VTA1: variants seen among roughly 807,000 people sequenced by gnomAD.
The protein encoded by VTA1 is vacuolar protein sorting-associated protein VTA1 homolog.
A neutral mutation model predicts 36.9 loss-of-function variants in VTA1; 24 were observed. The observed-to-expected ratio is 0.65, with a 90% CI of 0.47 to 0.91. VTA1 has a LOEUF of 0.91. VTA1 is among the 40% of genes least tolerant of loss of function. VTA1 has a pLI of 0.00. For synonymous variants in VTA1, 142 were observed against 130.2 expected (o/e 1.09, Z -0.62); for missense variants, 393 against 377.2 (o/e 1.04, Z -0.35).
intron 4 of VTA1, among the ~76,000 whole-genome samples, chr6:142,174,428 GT>G (rs55744405): frequency 0.4 from 60,241 of 151,978 alleles, 13,615 homozygotes; most frequent in Middle Eastern, 0.54. Context: ...CCCAATGCCT[GT>G]ACCACCATTC....
chr6:142,217,346 AT>A (rs1395395110), intron 7 of VTA1, among the ~76,000 whole-genome samples: 8 of 152,266 alleles, frequency 5.3e-5, no homozygotes, highest in African/African-American at 1.7e-4. Context: ...GCTTTTTCAT[AT>A]TCATGCAGTG....
At chr6:142,165,091 C>T (rs2114640364) in intron 1 of VTA1, among the ~76,000 whole-genome samples, 1 of 152,254 alleles carries the variant, frequency 6.6e-6, no homozygotes, top group East Asian at 1.9e-4. Flanking sequence ...TGATAGCTAT[C>T]CTTAATTCAT....
At chr6:142,173,692 T>A (rs1775067701) in intron 4 of VTA1, among the ~76,000 whole-genome samples, 1 of 152,246 alleles carries the variant, frequency 6.6e-6, no homozygotes, top group Non-Finnish European at 1.5e-5. Context: ...TTCTCTTCAC[T>A]TAAGGAATAT....
Position 142,203,991 on chromosome 6 carries a change from C to G in VTA1, c.704C>G (p.Ala235Gly). The G allele has an allele frequency of 1.2e-6, 2 of 1,613,106 alleles. No individual in the cohort carries two copies. Among genetic ancestry groups the G allele is most frequent in the Non-Finnish European group, 1.7e-6 (2 of 1,179,390 alleles). ...TTGCTTTTCTGATTTGCAGGTGTAG[C>G]AAGTAATACTATCCAACCTACTCCA... ...PAEVPHSTGV[A>G]SNTIQPTPQT... Residue 235 changes from alanine (A) to glycine (G), a missense_variant, in exon 7 of 8, where the codon GCA becomes GGA. Coordinates refer to ENST00000367630, the MANE Select transcript of VTA1 (RefSeq NM_016485.5).
At chr6:142,177,329 C>G (rs1045039688) in intron 4 of VTA1, among the ~76,000 whole-genome samples, 2 of 152,168 alleles carry the variant, frequency 1.3e-5, no homozygotes, top group Non-Finnish European at 2.9e-5. Flanking sequence ...TTCTGTCACT[C>G]CATAACTGCA....
intron 1 of VTA1, among the ~76,000 whole-genome samples, chr6:142,160,308 T>C (rs1219945509): frequency 1.3e-5 from 2 of 152,180 alleles, no homozygotes; most frequent in Admixed American, 1.3e-4. Flanking sequence ...CTCTCTCTGG[T>C]TGGAGCTTGA....
chr6:142,188,274 T>C (rs1050425908), intron 4 of VTA1, among the ~76,000 whole-genome samples: 5 of 133,296 alleles, frequency 3.8e-5, no homozygotes, highest in Non-Finnish European at 6.3e-5. Context: ...CTCTCTCTGC[T>C]GCTCAGGCTG....
At chr6:142,198,113 A>G (rs1166057288) in intron 5 of VTA1, among the ~76,000 whole-genome samples, 125 of 117,000 alleles carry the variant, frequency 1.1e-3, no homozygotes, top group African/African-American at 4.3e-3. Context: ...AAATATATAT[A>G]TATATATGTG....
intron 7 of VTA1, among the ~76,000 whole-genome samples, chr6:142,212,853 T>A (rs935595553): frequency 6.6e-6 from 1 of 152,074 alleles, no homozygotes; most frequent in African/African-American, 2.4e-5. Context: ...AAGGGGCACA[T>A]CAGCCCCCAT....
intron 7 of VTA1, among the ~76,000 whole-genome samples, chr6:142,214,111 A>G (rs527742978): frequency 3.3e-5 from 5 of 152,282 alleles, no homozygotes; most frequent in African/African-American, 1.2e-4. Context: ...ATATGAGCCT[A>G]CACTTTTAGA....
intron 4 of VTA1, among the ~76,000 whole-genome samples, chr6:142,173,399 G>A (rs1651649111): frequency 6.6e-6 from 1 of 152,180 alleles, no homozygotes; most frequent in Non-Finnish European, 1.5e-5. Flanking sequence ...GGTTTATTGT[G>A]CTCTGGGCCT....
chr6:142,147,790 GA>G (rs1212399227), intron 1 of VTA1, among the ~76,000 whole-genome samples: 5 of 152,196 alleles, frequency 3.3e-5, no homozygotes, highest in Admixed American at 3.3e-4. Flanking sequence ...ATAAAAGGAC[GA>G]TAGACTAGTT....
chr6:142,178,445 G>C (rs867209867), intron 4 of VTA1, among the ~76,000 whole-genome samples: 3 of 151,948 alleles, frequency 2.0e-5, no homozygotes, highest in Non-Finnish European at 4.4e-5. Context: ...AAGATCCAAA[G>C]AACTAAAGAA....
chr6:142,170,050 A>G (rs1774998467), intron 3 of VTA1, among the ~76,000 whole-genome samples: 1 of 152,202 alleles, frequency 6.6e-6, no homozygotes, highest in Non-Finnish European at 1.5e-5. Flanking sequence ...CATTTAAAGA[A>G]ATACATTATG....
At chr6:142,209,879 A>T (rs1324435618) in intron 7 of VTA1, among the ~76,000 whole-genome samples, 2 of 152,146 alleles carry the variant, frequency 1.3e-5, no homozygotes, top group African/African-American at 4.8e-5. Flanking sequence ...TGCCAAAGAC[A>T]TTCTTCACAG....
intron 4 of VTA1, among the ~76,000 whole-genome samples, chr6:142,179,108 G>T (rs1385119281): frequency 6.6e-6 from 1 of 151,774 alleles, no homozygotes; most frequent in Non-Finnish European, 1.5e-5. Flanking sequence ...AACAAAAAAA[G>T]AAAAATAAGG....
Position 142,219,719 on chromosome 6 carries a change from G to T in VTA1, c.*1076G>T, listed in dbSNP as rs1242324228. 1.3e-5 allele frequency: 2 copies of T among 151,902 alleles called. No individual in the cohort carries two copies. The highest frequency in any genetic ancestry group is 3.9e-4 in the East Asian group (2 of 5,194). The allele number at this position is 151,902 out of a possible 1,614,324, so 9.4% of individuals were successfully genotyped here. A position where few individuals can be genotyped will look rare whatever the true frequency, so the allele number is the denominator to read the frequency against. On this transcript the variant is annotated 3_prime_UTR_variant, in exon 8 of 8. Coordinates refer to ENST00000367630, the MANE Select transcript of VTA1 (RefSeq NM_016485.5). ...GGAAGAAACAGGTTTTTTGTTTTTT[G>T]TTTTTTAAGATAAATTTGACAAAGT...
intron 4 of VTA1, among the ~76,000 whole-genome samples, chr6:142,181,455 TTATA>T (rs10545343): frequency 1.7e-4 from 25 of 143,634 alleles, no homozygotes; most frequent in East Asian, 1.6e-3. Flanking sequence ...TTTTTATATT[TTATA>T]TATATATATA....
intron 7 of VTA1, among the ~76,000 whole-genome samples, chr6:142,209,712 TAAC>T (rs1352679459): frequency 6.6e-6 from 1 of 151,730 alleles, no homozygotes; most frequent in East Asian, 1.9e-4. Context: ...TATATATTAA[TAAC>T]AGAAAAACTA....
Sources: gnomAD v4.1 joint callset for allele counts (sites outside exome capture counted in the v4.1 genomes callset) on GRCh38, gnomAD v4.1.1 for gene constraint, MANE v1.5 for transcripts, NCBI Gene and HGNC (gene_info 2026-07-23, HGNC 2026-07-21) for gene names.